The following KDM2B variants were observed in gnomAD, a reference collection of about 807,000 sequenced individuals.
KDM2B encodes lysine-specific demethylase 2B.
A neutral mutation model predicts 150.0 loss-of-function variants in KDM2B; 26 were observed. That is an observed-to-expected ratio of 0.17 (90% CI 0.13 to 0.24). The LOEUF is 0.24. KDM2B is among the 10% of genes least tolerant of loss of function. The pLI is 1.00. For missense variants in KDM2B, 1,265 were observed against 1,816.9 expected (o/e 0.70, Z 5.52); for synonymous variants, 734 against 729.5 (o/e 1.01, Z -0.10).
intron 8 of KDM2B, among the ~76,000 whole-genome samples, chr12:121,531,949 T>C (rs1555307859): frequency 6.6e-6 from 1 of 151,908 alleles, no homozygotes; most frequent in Admixed American, 6.6e-5. Context: ...AAAAATTAGC[T>C]GGGCATGTTG....
At chr12:121,539,407 G>A (rs1888424309) in intron 6 of KDM2B, among the ~76,000 whole-genome samples, 1 of 150,788 alleles carries the variant, frequency 6.6e-6, no homozygotes, top group African/African-American at 2.4e-5. Context: ...CAGTCCTGAT[G>A]GCCGGACCAG....
Position 121,452,016 on chromosome 12 carries a change from T to C in KDM2B, c.1959+1104A>G, listed in dbSNP as rs1380203069. 6.6e-6 allele frequency among the ~76,000 whole-genome samples: 1 copy of C among 152,084 alleles called. No individual in the cohort carries two copies. Among genetic ancestry groups the C allele is most frequent in the Non-Finnish European group, 1.5e-5 (1 of 68,018 alleles). On this transcript the variant is annotated intron_variant, in intron 13 of 22. Transcript: ENST00000377071. The surrounding 1 kb of genome is among the most constrained non-coding windows in gnomAD (Gnocchi z 4.4). ...TCAACATGGATGAACCCTGAGGACT[T>C]TATGCTCAGGGCTATAAACAAGCCA...
At chr12:121,525,926 G>A (rs1281794930) in intron 8 of KDM2B, among the ~76,000 whole-genome samples, 1 of 152,102 alleles carries the variant, frequency 6.6e-6, no homozygotes, top group Non-Finnish European at 1.5e-5. Flanking sequence ...GACAAATAAG[G>A]TCCCCATACT....
Position 121,520,673 on chromosome 12 carries a change from G to A in KDM2B, c.1047+312C>T, listed in dbSNP as rs140750762. ...TAATCCCTCACACCACTTTCTCCAC[G>A]TGAGGAGGAAGAGGCAGGTCCCTGA... is the stretch of plus-strand genomic sequence containing the variant. On this transcript the variant is annotated intron_variant, in intron 9 of 22. Coordinates refer to ENST00000377071, the MANE Select transcript of KDM2B (RefSeq NM_032590.5). The surrounding 1 kb of genome is among the most constrained non-coding windows in gnomAD (Gnocchi z 4.5). Among the ~76,000 whole-genome samples, 6 of 152,260 alleles carry A rather than the reference G, an allele frequency of 3.9e-5. No homozygotes were observed. Among genetic ancestry groups the A allele is most frequent in the Admixed American group, 6.5e-5 (1 of 15,290 alleles).
At chr12:121,414,083 T>C in the KDM2B span, among the ~76,000 whole-genome samples, 1 of 152,236 alleles carries the variant, frequency 6.6e-6, no homozygotes, top group South Asian at 2.1e-4. Flanking sequence ...AAAGTGCCTT[T>C]TGCATTTTAA....
At chr12:121,510,207 T>G (rs560085466) in intron 10 of KDM2B, among the ~76,000 whole-genome samples, 168 bp from the exon 11 acceptor site, 2 of 152,306 alleles carry the variant, frequency 1.3e-5, no homozygotes, top group African/African-American at 4.8e-5. Context: ...GGACGCAGGT[T>G]CAGATCCCCA....
intron 8 of KDM2B, among the ~76,000 whole-genome samples, chr12:121,525,804 T>C (rs1887081327): frequency 6.6e-6 from 1 of 152,242 alleles, no homozygotes; most frequent in African/African-American, 2.4e-5. Flanking sequence ...GCTACCATGA[T>C]ATTTGGGTCT....
chr12:121,435,675 C>T (rs549287938), intron 22 of KDM2B, among the ~76,000 whole-genome samples: 16 of 152,254 alleles, frequency 1.1e-4, no homozygotes, highest in Middle Eastern at 3.4e-3. Flanking sequence ...GAAAATTTAC[C>T]TGCTGACTGT....
intron 12 of KDM2B, among the ~76,000 whole-genome samples, chr12:121,463,906 T>C (rs1356817181): frequency 2.6e-5 from 4 of 151,142 alleles, no homozygotes; most frequent in African/African-American, 9.7e-5. Flanking sequence ...GAAAAAATAA[T>C]AGAAGCTGTT....
intron 9 of KDM2B, among the ~76,000 whole-genome samples, chr12:121,514,663 G>C (rs1033438256): frequency 2.6e-5 from 4 of 151,380 alleles, no homozygotes; most frequent in Non-Finnish European, 5.9e-5. Context: ...CGAACTCAGG[G>C]AGTTGGATGG....
intron 13 of KDM2B, among the ~76,000 whole-genome samples, chr12:121,446,079 T>C (rs971840701): frequency 1.3e-5 from 2 of 152,010 alleles, no homozygotes; most frequent in African/African-American, 2.4e-5. Flanking sequence ...AGCCATGGGG[T>C]GACTCATGCC....
At chr12:121,564,651 T>C (rs981227819) in intron 4 of KDM2B, among the ~76,000 whole-genome samples, 2 of 152,008 alleles carry the variant, frequency 1.3e-5, no homozygotes, top group Non-Finnish European at 2.9e-5. Flanking sequence ...CGGAACAATA[T>C]GCGATGTTCA....
At chr12:121,552,603 G>A (rs1889584880) in intron 4 of KDM2B, among the ~76,000 whole-genome samples, 1 of 151,568 alleles carries the variant, frequency 6.6e-6, no homozygotes, top group Middle Eastern at 3.4e-3. Context: ...AACCCAGGAG[G>A]TGGAGGTTGC....
chr12:121,431,879 C>CTTTTTTT (rs77237915), intron 22 of KDM2B, among the ~76,000 whole-genome samples: 18 of 122,378 alleles, frequency 1.5e-4, no homozygotes, highest in Non-Finnish European at 1.8e-4. Flanking sequence ...TTTCTTTTTT[C>CTTTTTTT]TTTTTTTTTT....
rs1373593369 is a variant in KDM2B at position 121,518,067 on chromosome 12, A to AT, written c.1047+2917dup. ...ACCACCATGCTCGGCTAATTTTTGT[A>AT]TTTTTAGTAGAGACAGGGTTTCACC... On this transcript the variant is annotated intron_variant, in intron 9 of 22. Coordinates refer to ENST00000377071, the MANE Select transcript of KDM2B (RefSeq NM_032590.5). The surrounding 1 kb of genome is among the most constrained non-coding windows in gnomAD (Gnocchi z 4.4). Among the ~76,000 whole-genome samples, 1 of 144,524 alleles carries AT rather than the reference A, an allele frequency of 6.9e-6. No homozygotes were observed. Among genetic ancestry groups the AT allele is most frequent in the African/African-American group, 2.6e-5 (1 of 38,990 alleles). 94.8% of individuals were successfully genotyped at this position (144,524 alleles called of 152,430 possible).
rs1238530076 is a variant in KDM2B at position 121,575,576 on chromosome 12, T to C, written c.350+205A>G. 1.3e-5 allele frequency among the ~76,000 whole-genome samples: 2 copies of C among 152,220 alleles called. No individual in the cohort carries two copies. The highest frequency in any genetic ancestry group is 2.9e-5 in the Non-Finnish European group (2 of 68,040). On this transcript the variant is annotated intron_variant, in intron 3 of 22. Coordinates refer to ENST00000377071, the MANE Select transcript of KDM2B (RefSeq NM_032590.5). This position sits in a 1 kb window ranked among gnomAD's most constrained non-coding sequence, Gnocchi z 4.4. ...GCTTAATTACCCTATGTCCTCTCTC[T>C]GCCCAAAGTCCCTGCAAAAGACCAG...
chr12:121,486,830 A>G (rs1419820503), intron 12 of KDM2B, among the ~76,000 whole-genome samples: 2 of 152,064 alleles, frequency 1.3e-5, no homozygotes, highest in South Asian at 2.1e-4. Context: ...TCACAAAGCC[A>G]AGCATGGGGG....
At chr12:121,478,125 C>G (rs1256438662) in intron 12 of KDM2B, among the ~76,000 whole-genome samples, 4 of 151,702 alleles carry the variant, frequency 2.6e-5, no homozygotes, top group African/African-American at 4.8e-5. Flanking sequence ...CCGCCTTGGC[C>G]TCCCCTCCCA....
intron 10 of KDM2B, 34 bp from the exon 11 acceptor site, chr12:121,510,073 G>T (rs1555303703): frequency 6.7e-7 from 1 of 1,501,578 alleles, no homozygotes; most frequent in Admixed American, 2.2e-5. Context: ...AGACCGAGAT[G>T]ACACCTAACT....
Sources: allele counts gnomAD v4.1 joint callset (sites outside exome capture counted in the v4.1 genomes callset), GRCh38; gene constraint gnomAD v4.1.1; non-coding constraint Gnocchi (gnomAD v3.1); transcripts MANE v1.5; gene names NCBI Gene and HGNC (gene_info 2026-07-23, HGNC 2026-07-21).